Variants in RTEL1 observed in about 807,000 individuals in gnomAD.
RTEL1 encodes the protein regulator of telomere elongation helicase 1.
A neutral mutation model predicts 162.2 loss-of-function variants in RTEL1; 86 were observed. The observed-to-expected ratio is 0.53, with a 90% CI of 0.45 to 0.63. The LOEUF (loss-of-function observed/expected upper bound fraction) is 0.63. RTEL1 is among the 30% of genes least tolerant of loss of function. The probability of loss-of-function intolerance (pLI) is 0.00; values close to 1 mark genes in which losing one functional copy is unlikely to be tolerated. For missense variants in RTEL1, 1,941 were observed against 1,750.2 expected (o/e 1.11, Z -1.95); for synonymous variants, 958 against 717.9 (o/e 1.33, Z -5.35).
At position 63,679,916 on chromosome 20, in the gene RTEL1, C is replaced by G; in HGVS notation, c.1105C>G (p.Leu369Val). Residue 369 changes from leucine to valine, a missense_variant, in exon 13 of 35, where the codon CTG (leucine) becomes GTG (valine). By Grantham distance (32) the Leu-to-Val change is conservative. Coordinates refer to ENST00000360203, the MANE Select transcript of RTEL1 (RefSeq NM_001283009.2). The part of the protein sequence containing the change: ...FQTKGCILDS[L>V]DQIIQHLAGR... ...GACCAAGGGCTGCATCCTGGACTCG[C>G]TGGACCAGATCATCCAGCACCTGGC... is the stretch of plus-strand genomic sequence containing the variant. The G allele has an allele frequency of 6.2e-6, 10 of 1,612,646 alleles. No individual in the cohort carries two copies. Among genetic ancestry groups the G allele is most frequent in the Non-Finnish European group, 7.6e-6 (9 of 1,179,898 alleles).
In RTEL1 at chr20:63,695,230, C is replaced by A; in HGVS notation, c.3499+9C>A. ...CAGGGCTCCCCAACCAGGTAGGGCACCTGCCTGGCTGCTCCTGGCAGCGCC... is the reference window on the plus strand; with the variant it reads ...CAGGGCTCCCCAACCAGGTAGGGCAACTGCCTGGCTGCTCCTGGCAGCGCC... On this transcript the variant is annotated intron_variant, in intron 33 of 34. Coordinates refer to ENST00000360203, the MANE Select transcript of RTEL1 (RefSeq NM_001283009.2). The A allele has an allele frequency of 1.2e-6, 2 of 1,609,910 alleles. No homozygotes were observed. Among genetic ancestry groups the A allele is most frequent in the East Asian group, 2.2e-5 (1 of 44,802 alleles).
chr20:63,665,925 T>G, intron 6 of RTEL1, 79 bp from the exon 7 acceptor site: 1 of 1,374,436 alleles, frequency 7.3e-7, no homozygotes, highest in Non-Finnish European at 1.0e-6. Context: ...TAGGAGCCGT[T>G]CTGTCCTGGG....
intron 4 of RTEL1, among the ~76,000 whole-genome samples, chr20:63,662,153 C>T (rs754795278): frequency 4.6e-5 from 7 of 152,206 alleles, no homozygotes; most frequent in Non-Finnish European, 7.3e-5. Flanking sequence ...AGCTTTGCAT[C>T]TGTGTGCTGA....
chr20:63,692,429 G>A lies in RTEL1; in HGVS notation c.2653-376G>A, dbSNP rs180843512. On this transcript the variant is annotated intron_variant, in intron 28 of 34. Transcript: ENST00000360203. Reference sequence around the variant, plus strand: ...GTAGAGAGATGGGCACTGCTCATCCGGAAGCCCCTCCTTGTGCGCTGCCAT... The same window carrying A: ...GTAGAGAGATGGGCACTGCTCATCCAGAAGCCCCTCCTTGTGCGCTGCCAT... 3.4e-3 allele frequency: 1,084 copies of A among 321,150 alleles called. 32 individuals are homozygous for A. The Admixed American group carries it at 0.042, about 13-fold the overall frequency. 19.9% of individuals were successfully genotyped at this position (321,150 alleles called of 1,614,324 possible). A position where few individuals can be genotyped will look rare whatever the true frequency, so the allele number is the denominator to read the frequency against.
In RTEL1 at chr20:63,659,348, A is replaced by T. The variant is rs1002550569; in HGVS notation, c.-55A>T. ...TGTTCGGAGTGGTTTTTTCGCACAGACCCGAATAGCCTGCCCCTCAGCCAC... is the reference window on the plus strand; with the variant it reads ...TGTTCGGAGTGGTTTTTTCGCACAGTCCCGAATAGCCTGCCCCTCAGCCAC... On this transcript the variant is annotated 5_prime_UTR_variant, in exon 2 of 35. Coordinates refer to ENST00000360203, the MANE Select transcript of RTEL1 (RefSeq NM_001283009.2). 2 of 1,354,240 alleles carry T rather than the reference A, an allele frequency of 1.5e-6. No homozygotes were observed. Among genetic ancestry groups the T allele is most frequent in the African/African-American group, 1.4e-5 (1 of 69,672 alleles). 83.9% of individuals were successfully genotyped at this position (1,354,240 alleles called of 1,614,324 possible).
intron 8 of RTEL1, among the ~76,000 whole-genome samples, chr20:63,671,644 G>A (rs1222860996): frequency 2.9e-5 from 4 of 140,276 alleles, no homozygotes; most frequent in Non-Finnish European, 4.6e-5. Flanking sequence ...ACCACGCCTG[G>A]CTAATTTTTT....
At chr20:63,689,715 G>T (rs759494849) in intron 23 of RTEL1, 35 bp from the exon 24 acceptor site, 2 of 1,606,500 alleles carry the variant, frequency 1.2e-6, no homozygotes, top group African/African-American at 1.3e-5. Flanking sequence ...CCGTGGCCAA[G>T]GGAGCCCCCG....
In RTEL1 at chr20:63,689,634, G is replaced by C; in HGVS notation, c.2011G>C (p.Gly671Arg). The stretch of plus-strand genomic sequence containing the variant: ...CCTGGATGAGATGAAGGGCCAGGGT[G>C]GGGCTGGGGGCCAGGTGAGTTACAG... ...QFLDEMKGQG[G>R]AGGQFLSGQE... Residue 671 changes from glycine to arginine, a missense_variant, in exon 23 of 35, where the codon GGG (glycine) becomes CGG (arginine). Transcript: ENST00000360203. The C allele has an allele frequency of 1.2e-6, 2 of 1,608,886 alleles. No individual in the cohort carries two copies. The highest frequency in any genetic ancestry group is 1.7e-6 in the Non-Finnish European group (2 of 1,176,952).
chr20:63,693,560 C>G (rs2090861155), intron 30 of RTEL1, among the ~76,000 whole-genome samples: 4 of 138,718 alleles, frequency 2.9e-5, no homozygotes, highest in South Asian at 2.2e-4. Context: ...CCACCTCCAC[C>G]TCCACCACCT....
In RTEL1 at chr20:63,694,355, C is replaced by T. The variant is rs1404589771; in HGVS notation, c.2993-17C>T. Reference sequence around the variant, plus strand: ...GATGCTCTCGACCAGCTTTGTGGCTCTACATCTCTTCATCAGGAAGAACGG... The same window carrying T: ...GATGCTCTCGACCAGCTTTGTGGCTTTACATCTCTTCATCAGGAAGAACGG... On this transcript the variant is annotated splice_polypyrimidine_tract_variant and intron_variant, in intron 30 of 34. Transcript: ENST00000360203. The T allele has an allele frequency of 6.9e-6, 10 of 1,440,840 alleles. No homozygotes were observed. Among genetic ancestry groups the T allele is most frequent in the Non-Finnish European group, 9.4e-6 (10 of 1,065,666 alleles). 89.3% of individuals were successfully genotyped at this position (1,440,840 alleles called of 1,614,324 possible).
Position 63,694,817 on chromosome 20 carries a change from C to T in RTEL1, c.3186C>T (p.Ala1062=), listed in dbSNP as rs2090929730. The change falls in exon 32 of 35, where the codon GCC becomes GCT. Residue 1062 remains alanine, a synonymous_variant. Transcript: ENST00000360203. ...AGKQGQHAVS[A]YLADARRALG... Reference sequence around the variant, plus strand: ...AGCAGGGCCAGCACGCCGTGAGCGCCTACCTGGCTGATGCCCGCAGGGCCC... The same window carrying T: ...AGCAGGGCCAGCACGCCGTGAGCGCTTACCTGGCTGATGCCCGCAGGGCCC... 2.5e-6 allele frequency: 4 copies of T among 1,612,530 alleles called. No individual in the cohort carries two copies. The highest frequency in any genetic ancestry group is 2.5e-6 in the Non-Finnish European group (3 of 1,179,806).
rs373555734 is a variant in RTEL1 at position 63,689,486 on chromosome 20, C to A, written c.1879-16C>A. 262 of 1,564,200 alleles carry A rather than the reference C, an allele frequency of 1.7e-4. No homozygotes were observed. Among genetic ancestry groups the A allele is most frequent in the Non-Finnish European group, 2.1e-4 (247 of 1,155,028 alleles). ...AGCCCCCACGGCCCCAGGCAGCTCC[C>A]TGGTGTGTCCCCTAGGCCAGCGAGG... is the stretch of plus-strand genomic sequence containing the variant. On this transcript the variant is annotated splice_polypyrimidine_tract_variant and intron_variant, in intron 22 of 34. Coordinates refer to ENST00000360203, the MANE Select transcript of RTEL1 (RefSeq NM_001283009.2).
chr20:63,694,054 G>T (rs553457320), intron 30 of RTEL1, among the ~76,000 whole-genome samples: 6 of 152,120 alleles, frequency 3.9e-5, no homozygotes, highest in East Asian at 2.0e-4. Flanking sequence ...GTTCACCCAG[G>T]GGGGAACCTA....
Position 63,690,980 on chromosome 20 carries a change from C to T in RTEL1, c.2556+33C>T, listed in dbSNP as rs1287066189. ...TCCAGGGCCTTGGGATGGACACAGACCCTCTGTCTCCTGAGGCCAACCCGA... is the reference window on the plus strand; with the variant it reads ...TCCAGGGCCTTGGGATGGACACAGATCCTCTGTCTCCTGAGGCCAACCCGA... On this transcript the variant is annotated intron_variant, in intron 27 of 34. Coordinates refer to ENST00000360203, the MANE Select transcript of RTEL1 (RefSeq NM_001283009.2). 4 of 1,528,648 alleles carry T rather than the reference C, an allele frequency of 2.6e-6. No homozygotes were observed. The South Asian group carries it at 3.6e-5, about 14-fold the overall frequency. 94.7% of individuals were successfully genotyped at this position (1,528,648 alleles called of 1,614,324 possible). A position where few individuals can be genotyped will look rare whatever the true frequency, so the allele number is the denominator to read the frequency against.
intron 14 of RTEL1, chr20:63,681,581 C>T (rs2146223154): frequency 1.0e-6 from 1 of 985,362 alleles, no homozygotes; most frequent in East Asian, 1.1e-4. Flanking sequence ...CAGAAGAACC[C>T]TGGGATGCAT....
rs41310197 is a variant in RTEL1, at chr20:63,678,287, G to A, written c.978G>A (p.Glu326=). The part of the protein sequence containing the change: ...AKLKMILLRL[E]GAIDAVELPG... Reference sequence around the variant, plus strand: ...CCACAGTGATCCTGCTGCGCCTGGAGGGGGCCATCGATGCTGTTGAGCTGC... The same window carrying A: ...CCACAGTGATCCTGCTGCGCCTGGAAGGGGCCATCGATGCTGTTGAGCTGC... Residue 326 remains glutamate, a synonymous_variant, in exon 12 of 35, where the codon GAG becomes GAA. Transcript: ENST00000360203. The A allele has an allele frequency of 0.035, 57,223 of 1,612,566 alleles. 1,144 individuals are homozygous for A. Among genetic ancestry groups the A allele is most frequent in the Non-Finnish European group, 0.041 (48,713 of 1,179,212 alleles).
At chr20:63,694,533 C>T (rs1465083514) in intron 31 of RTEL1, 45 bp downstream of exon 31, 23 of 1,471,296 alleles carry the variant, frequency 1.6e-5, no homozygotes, top group Non-Finnish European at 2.2e-5. Flanking sequence ...TTGGTGGGTC[C>T]CTCAGTGGCT....
chr20:63,662,235 C>T (rs933983876), intron 4 of RTEL1, among the ~76,000 whole-genome samples: 9 of 152,190 alleles, frequency 5.9e-5, no homozygotes, highest in Non-Finnish European at 1.5e-5. Flanking sequence ...GGCTGGCCCC[C>T]AGTGCAGCTT....
chr20:63,680,242 A>G (rs1039233868), intron 13 of RTEL1, among the ~76,000 whole-genome samples: 1 of 152,150 alleles, frequency 6.6e-6, no homozygotes, highest in Non-Finnish European at 1.5e-5. Context: ...TGGCTTCTCC[A>G]CACCACCCCG....
Sources: gnomAD v4.1 joint callset for allele counts (sites outside exome capture counted in the v4.1 genomes callset) on GRCh38, gnomAD v4.1.1 for gene constraint, MANE v1.5 for transcripts, NCBI Gene and HGNC (gene_info 2026-07-23, HGNC 2026-07-21) for gene names.